The following SULT2B1 variants were observed in gnomAD, a reference collection of about 807,000 sequenced individuals.
SULT2B1 encodes the protein sulfotransferase family 2B member 1.
SULT2B1 carries 16 observed loss-of-function variants against 33.2 expected under a neutral mutation model. That is an observed-to-expected ratio of 0.48 (90% CI 0.33 to 0.73). SULT2B1 has a LOEUF of 0.73. SULT2B1 is among the 30% of genes least tolerant of loss of function. The pLI is 0.02. For synonymous variants in SULT2B1, 186 were observed against 200.5 expected (o/e 0.93, Z 0.61); for missense variants, 500 against 506.0 (o/e 0.99, Z 0.11).
intron 1 of SULT2B1, among the ~76,000 whole-genome samples, chr19:48,564,551 C>CA (rs770217698): frequency 0.085 from 4,918 of 57,574 alleles, 448 homozygotes; most frequent in African/African-American, 0.12. Context: ...GACTCCGTCT[C>CA]AAAAAAAAAA....
In SULT2B1 at chr19:48,576,084, G is replaced by C; in HGVS notation, c.214+1G>C. The C allele has an allele frequency of 6.2e-7, 1 of 1,606,888 alleles. No individual in the cohort carries two copies. Among genetic ancestry groups the C allele is most frequent in the Non-Finnish European group, 8.5e-7 (1 of 1,176,254 alleles). ...TTTATCATCACCTACCCCAAGTCAG[G>C]TACCTGCCGGGCTGCGGGCGTCGGG... On this transcript the variant is annotated splice_donor_variant, in intron 2 of 6. Transcript: ENST00000201586. LOFTEE classifies it high-confidence loss of function.
chr19:48,588,617 TAATGC>T (rs910687809), intron 3 of SULT2B1, among the ~76,000 whole-genome samples: 27 of 150,002 alleles, frequency 1.8e-4, no homozygotes, highest in South Asian at 6.3e-4. Context: ...TATAATAACA[TAATGC>T]AATATAATAT....
At chr19:48,582,071 A>G (rs953685355) in intron 2 of SULT2B1, among the ~76,000 whole-genome samples, 3 of 151,462 alleles carry the variant, frequency 2.0e-5, no homozygotes, top group African/African-American at 7.3e-5. Flanking sequence ...TGCCTGGCTA[A>G]TTTTTGAATT....
chr19:48,598,676 G>T (rs546489874), intron 6 of SULT2B1, among the ~76,000 whole-genome samples: 1 of 152,244 alleles, frequency 6.6e-6, no homozygotes, highest in Admixed American at 6.5e-5. Context: ...CCTGAGCACA[G>T]AGCCTGCAGA....
At chr19:48,577,302 G>T (rs1270827813) in intron 2 of SULT2B1, among the ~76,000 whole-genome samples, 14 of 140,272 alleles carry the variant, frequency 1.0e-4, no homozygotes, top group Non-Finnish European at 6.1e-5. Context: ...TGATCCACCA[G>T]CCTTGGCCTC....
At position 48,565,481 on chromosome 19, in the gene SULT2B1, G is replaced by A. The variant is rs374443368; in HGVS notation, c.72-10460G>A. 2.6e-5 allele frequency among the ~76,000 whole-genome samples: 4 copies of A among 151,492 alleles called. No homozygotes were observed. In the East Asian group the frequency reaches 5.9e-4, roughly 22 times the overall value. ...TGCAACCTCCACCTCCCAGATTCAAGCGATTCTCCTGCCTCAGCCTCCCGA... is the reference window on the plus strand; with the variant it reads ...TGCAACCTCCACCTCCCAGATTCAAACGATTCTCCTGCCTCAGCCTCCCGA... On this transcript the variant is annotated intron_variant, in intron 1 of 6. Coordinates refer to ENST00000201586, the MANE Select transcript of SULT2B1 (RefSeq NM_177973.2).
At chr19:48,567,737 AAGT>A in intron 1 of SULT2B1, among the ~76,000 whole-genome samples, 1 of 152,080 alleles carries the variant, frequency 6.6e-6, no homozygotes, top group African/African-American at 2.4e-5. Context: ...TGGGAGGCTG[AAGT>A]GGGAGGGTCG....
At chr19:48,566,276 G>A (rs1199527671) in intron 1 of SULT2B1, among the ~76,000 whole-genome samples, 8 of 152,096 alleles carry the variant, frequency 5.3e-5, no homozygotes, top group African/African-American at 1.7e-4. Context: ...TGTCTAGGCT[G>A]GTCTCAAACT....
At chr19:48,567,781 G>A (rs1973264863) in intron 1 of SULT2B1, among the ~76,000 whole-genome samples, 1 of 151,808 alleles carries the variant, frequency 6.6e-6, no homozygotes, top group South Asian at 2.1e-4. Flanking sequence ...ACCAACCTGA[G>A]CAATGTGGTG....
chr19:48,552,182 G>A lies in SULT2B1; in HGVS notation c.-71G>A, dbSNP rs1401994500. 4.0e-6 allele frequency: 6 copies of A among 1,497,602 alleles called. No individual in the cohort carries two copies. The highest frequency in any genetic ancestry group is 5.5e-6 in the Non-Finnish European group (6 of 1,085,222). 92.8% of individuals were successfully genotyped at this position (1,497,602 alleles called of 1,614,324 possible). A position where few individuals can be genotyped will look rare whatever the true frequency, so the allele number is the denominator to read the frequency against. ...GGCTCCCCAGGTGGCAGACGCTGTC[G>A]CTGCGCACACCTGGCCTCTGTGCCG... On this transcript the variant is annotated 5_prime_UTR_variant, in exon 1 of 7. Coordinates refer to ENST00000201586, the MANE Select transcript of SULT2B1 (RefSeq NM_177973.2). The surrounding 1 kb of genome is among the most constrained non-coding windows in gnomAD (Gnocchi z 4.8).
intron 1 of SULT2B1, among the ~76,000 whole-genome samples, chr19:48,557,092 TA>T (rs1245701127): frequency 2.8e-4 from 43 of 150,938 alleles, no homozygotes; most frequent in Non-Finnish European, 5.2e-4. Context: ...TCTAAAAAAA[TA>T]AAATAAAAAC....
chr19:48,587,415 C>T lies in SULT2B1; in HGVS notation c.401C>T (p.Ala134Val). ...CTTCCCATCCAGATCTTCACCAAGG[C>T]CTTCTTCAGCTCCAAGGCCAAGGTT... ...SHLPIQIFTK[A>V]FFSSKAKVIY... Residue 134 changes from alanine to valine, a missense_variant, in exon 3 of 7, where the codon GCC becomes GTC. By Grantham distance (64) the Ala-to-Val change is moderately conservative (BLOSUM62 0). Transcript: ENST00000201586. 2 of 1,614,112 alleles carry T rather than the reference C, an allele frequency of 1.2e-6. No individual in the cohort carries two copies. The highest frequency in any genetic ancestry group is 1.7e-6 in the Non-Finnish European group (2 of 1,180,036).
intron 1 of SULT2B1, among the ~76,000 whole-genome samples, chr19:48,555,527 T>C (rs1457766869): frequency 2.0e-5 from 3 of 149,122 alleles, no homozygotes; most frequent in African/African-American, 7.5e-5. Flanking sequence ...TCTGGCTCCT[T>C]GCATAGGGAT....
intron 3 of SULT2B1, 119 bp downstream of exon 3, chr19:48,587,556 C>A: frequency 8.8e-7 from 1 of 1,135,832 alleles, no homozygotes; most frequent in Non-Finnish European, 1.3e-6. Context: ...CTACTATGTG[C>A]CTGACTCTGA....
At chr19:48,588,247 T>C (rs1221365987) in intron 3 of SULT2B1, among the ~76,000 whole-genome samples, 1 of 149,038 alleles carries the variant, frequency 6.7e-6, no homozygotes, top group Non-Finnish European at 1.5e-5. Context: ...GCGCAGTGGC[T>C]CACGTTTGTA....
chr19:48,565,952 A>C (rs1973238492), intron 1 of SULT2B1, among the ~76,000 whole-genome samples: 1 of 143,486 alleles, frequency 7.0e-6, no homozygotes, highest in Admixed American at 7.0e-5. Flanking sequence ...TCACTCTGTT[A>C]CCCAGGCTGG....
rs370601372 is a variant in SULT2B1, at chr19:48,591,754, G to T, written c.550+19G>T. On this transcript the variant is annotated intron_variant, in intron 4 of 6. Coordinates refer to ENST00000201586, the MANE Select transcript of SULT2B1 (RefSeq NM_177973.2). ...GGCGAAGGTGGGGACAGGGTAAAGCGGGGCAGGAGGGGTGGGGAGGAGCCC... is the reference window on the plus strand; with the variant it reads ...GGCGAAGGTGGGGACAGGGTAAAGCTGGGCAGGAGGGGTGGGGAGGAGCCC... The T allele has an allele frequency of 1.3e-6, 2 of 1,553,474 alleles. No individual in the cohort carries two copies. The highest frequency in any genetic ancestry group is 2.7e-5 in the African/African-American group (2 of 73,524).
intron 5 of SULT2B1, among the ~76,000 whole-genome samples, chr19:48,593,075 A>G (rs1035217250): frequency 3.9e-5 from 6 of 152,198 alleles, no homozygotes; most frequent in Non-Finnish European, 1.5e-5. Flanking sequence ...AGGAATGGTC[A>G]GGGGCGAGAT....
intron 2 of SULT2B1, among the ~76,000 whole-genome samples, chr19:48,579,691 C>G (rs1466118452): frequency 1.3e-5 from 2 of 148,798 alleles, no homozygotes; most frequent in Non-Finnish European, 3.0e-5. Flanking sequence ...ACTGCAACCT[C>G]TGCCTCCTAG....
Sources: gnomAD v4.1 joint callset for allele counts (sites outside exome capture counted in the v4.1 genomes callset) on GRCh38, gnomAD v4.1.1 for gene constraint, Gnocchi (gnomAD v3.1) non-coding constraint, MANE v1.5 for transcripts, NCBI Gene and HGNC (gene_info 2026-07-23, HGNC 2026-07-21) for gene names.